FKBP9: variants seen among roughly 807,000 people sequenced by gnomAD.
FKBP9 encodes peptidyl-prolyl cis-trans isomerase FKBP9.
FKBP9 carries 27 observed loss-of-function variants against 55.6 expected under a neutral mutation model. The observed-to-expected ratio is 0.49, with a 90% CI of 0.36 to 0.67. The LOEUF (loss-of-function observed/expected upper bound fraction) is 0.67. FKBP9 is among the 30% of genes least tolerant of loss of function. The probability of loss-of-function intolerance (pLI) is 0.00; values close to 1 mark genes in which losing one functional copy is unlikely to be tolerated. For missense variants in FKBP9, 539 were observed against 742.8 expected (o/e 0.73, Z 3.19); for synonymous variants, 267 against 296.5 (o/e 0.90, Z 1.02).
chr7:32,983,034 G>A (rs1784512727), intron 5 of FKBP9, among the ~76,000 whole-genome samples: 1 of 149,630 alleles, frequency 6.7e-6, no homozygotes, highest in African/African-American at 2.4e-5. Flanking sequence ...CTATGTGTGT[G>A]TGTTTTGAGA....
chr7:32,978,562 T>C (rs1784408767), intron 4 of FKBP9, among the ~76,000 whole-genome samples: 1 of 151,966 alleles, frequency 6.6e-6, no homozygotes, highest in African/African-American at 2.4e-5. Context: ...CTCGCTACGT[T>C]ACCCAGGCTT....
intron 7 of FKBP9, chr7:32,998,417 T>G (rs1443706454): frequency 6.6e-6 from 1 of 151,314 alleles, no homozygotes; most frequent in Non-Finnish European, 1.5e-5. Flanking sequence ...GCGGGGAGAG[T>G]CAGTCTCCCT....
chr7:32,988,872 G>T lies in FKBP9; in HGVS notation c.1039+220G>T, dbSNP rs1583862541. The T allele has an allele frequency of 2.2e-5, 11 of 506,460 alleles. No individual in the cohort carries two copies. In the East Asian group the frequency reaches 3.6e-4, roughly 17 times the overall value. 31.4% of individuals were successfully genotyped at this position (506,460 alleles called of 1,614,324 possible). A position where few individuals can be genotyped will look rare whatever the true frequency, so the allele number is the denominator to read the frequency against. The stretch of plus-strand genomic sequence containing the variant: ...GCCTTCAGAGTAGCTGGCACTACAG[G>T]CACGCACCACCACACCCTGCACAGA... On this transcript the variant is annotated intron_variant, in intron 6 of 9. Transcript: ENST00000242209.
chr7:32,996,255 A>G lies in FKBP9; in HGVS notation c.1132A>G (p.Lys378Glu). The change falls in exon 7 of 10, where the codon AAA becomes GAA. Residue 378 changes from lysine to glutamate, a missense_variant. Transcript: ENST00000242209. Reference sequence around the variant, plus strand: ...CTCCATCAGCATCACCTCCCACTACAAACCCCCTGACTGCTCAGTGCTGAG... The same window carrying G: ...CTCCATCAGCATCACCTCCCACTACGAACCCCCTGACTGCTCAGTGCTGAG... Reference protein sequence around the residue: ...SDSISITSHYKPPDCSVLSKK... With the variant: ...SDSISITSHYEPPDCSVLSKK... 1 of 1,614,064 alleles carries G rather than the reference A, an allele frequency of 6.2e-7. No individual in the cohort carries two copies. Among genetic ancestry groups the G allele is most frequent in the South Asian group, 1.1e-5 (1 of 91,086 alleles).
intron 5 of FKBP9, among the ~76,000 whole-genome samples, chr7:32,981,423 A>T (rs1342433359): frequency 6.6e-6 from 1 of 152,170 alleles, no homozygotes; most frequent in Non-Finnish European, 1.5e-5. Flanking sequence ...TTTATCAGCC[A>T]TGGCCTGCAA....
At chr7:32,976,640 G>A in intron 4 of FKBP9, 141 bp downstream of exon 4, 1 of 1,231,182 alleles carries the variant, frequency 8.1e-7, no homozygotes, top group South Asian at 1.6e-5. Context: ...CTAGCTACAT[G>A]TGGCTATTAA....
chr7:32,978,997 A>T (rs1193145718), intron 4 of FKBP9, among the ~76,000 whole-genome samples: 1 of 152,190 alleles, frequency 6.6e-6, no homozygotes, highest in African/African-American at 2.4e-5. Flanking sequence ...GGCCGGGCGC[A>T]GTGGCTGCCG....
At position 32,957,536 on chromosome 7, in the gene FKBP9, C is replaced by G. The variant is rs112888151; in HGVS notation, c.-38C>G. ...CCCAGGCCGACCCGTGCCGCCCGAG[C>G]GCCGCGCTGCGTCCGCGCCACTCTT... On this transcript the variant is annotated 5_prime_UTR_variant, in exon 1 of 10. Transcript: ENST00000242209. 1 of 1,359,736 alleles carries G rather than the reference C, an allele frequency of 7.4e-7. No individual in the cohort carries two copies. The highest frequency in any genetic ancestry group is 9.5e-7 in the Non-Finnish European group (1 of 1,057,830). 84.2% of individuals were successfully genotyped at this position (1,359,736 alleles called of 1,614,324 possible).
intron 1 of FKBP9, among the ~76,000 whole-genome samples, chr7:32,965,226 G>A (rs890264066): frequency 2.6e-5 from 4 of 152,032 alleles, no homozygotes; most frequent in Admixed American, 6.5e-5. Context: ...TGCCTCCTGG[G>A]TTCAAGCAAT....
At chr7:32,984,469 G>A (rs1784538845) in intron 5 of FKBP9, among the ~76,000 whole-genome samples, 1 of 152,088 alleles carries the variant, frequency 6.6e-6, no homozygotes, top group South Asian at 2.1e-4. Flanking sequence ...TTTCGGCCTG[G>A]TTGGTATCAA....
At position 32,980,044 on chromosome 7, in the gene FKBP9, G is replaced by A. The variant is rs557459644; in HGVS notation, c.704-320G>A. ...TTATTCACAAACAGAAACCCACAGA[G>A]GTATGTATTTGGGTTTGCCTGTGGG... On this transcript the variant is annotated intron_variant, in intron 4 of 9. Coordinates refer to ENST00000242209, the MANE Select transcript of FKBP9 (RefSeq NM_007270.5). 3.9e-5 allele frequency among the ~76,000 whole-genome samples: 6 copies of A among 152,302 alleles called. 1 individual carries two copies. Among genetic ancestry groups the A allele is most frequent in the East Asian group, 1.9e-4 (1 of 5,190 alleles).
At chr7:32,978,865 G>A (rs114524796) in intron 4 of FKBP9, among the ~76,000 whole-genome samples, 3,413 of 152,188 alleles carry the variant, frequency 0.022, 115 homozygotes, top group African/African-American at 0.076. Context: ...TACTGTGCTC[G>A]GCTATCCAAG....
intron 4 of FKBP9, among the ~76,000 whole-genome samples, chr7:32,978,873 A>G (rs1364260725): frequency 6.6e-6 from 1 of 152,252 alleles, no homozygotes; most frequent in Non-Finnish European, 1.5e-5. Flanking sequence ...TCGGCTATCC[A>G]AGTATAACTT....
intron 4 of FKBP9, among the ~76,000 whole-genome samples, chr7:32,977,883 G>GCCCATATATATATATATATA (rs1784395446): frequency 2.3e-5 from 3 of 128,104 alleles, no homozygotes; most frequent in Non-Finnish European, 4.6e-5. Flanking sequence ...ATATATATAT[G>GCCCATATATATATATATATA]TATATATACA....
intron 1 of FKBP9, among the ~76,000 whole-genome samples, chr7:32,974,233 C>T (rs1392529368): frequency 1.3e-5 from 2 of 152,036 alleles, no homozygotes; most frequent in Non-Finnish European, 2.9e-5. Context: ...CGGCTGGTCT[C>T]GAACTCCTAA....
At chr7:32,985,394 T>A (rs1317266488) in intron 5 of FKBP9, among the ~76,000 whole-genome samples, 4 of 151,752 alleles carry the variant, frequency 2.6e-5, no homozygotes, top group Non-Finnish European at 4.4e-5. Flanking sequence ...TGGGCCGGGC[T>A]GGTCACGAAC....
intron 1 of FKBP9, among the ~76,000 whole-genome samples, chr7:32,959,985 T>C (rs1433646094): frequency 6.6e-6 from 1 of 152,182 alleles, no homozygotes; most frequent in African/African-American, 2.4e-5. Context: ...ATGGCACCTA[T>C]GTTATAAACG....
Position 32,981,220 on chromosome 7 carries a change from T to G in FKBP9, c.893+667T>G, listed in dbSNP as rs569645462. Reference sequence around the variant, plus strand: ...TAGTGTTTGACTGCCTTGGACTTCATTTTTCCCTATTCCAGCAACTTTGTC... The same window carrying G: ...TAGTGTTTGACTGCCTTGGACTTCAGTTTTCCCTATTCCAGCAACTTTGTC... On this transcript the variant is annotated intron_variant, in intron 5 of 9. Transcript: ENST00000242209. Among the ~76,000 whole-genome samples the G allele has an allele frequency of 4.6e-5, 7 of 152,176 alleles. No homozygotes were observed. In the East Asian group the frequency reaches 1.4e-3, roughly 29 times the overall value.
chr7:32,983,316 G>A (rs192259090), intron 5 of FKBP9, among the ~76,000 whole-genome samples: 43 of 151,352 alleles, frequency 2.8e-4, no homozygotes, highest in South Asian at 1.7e-3. Flanking sequence ...GAGCCACTGC[G>A]CCCTGCCTTT....
Sources: gnomAD v4.1 joint callset for allele counts (sites outside exome capture counted in the v4.1 genomes callset) on GRCh38, gnomAD v4.1.1 for gene constraint, MANE v1.5 for transcripts, NCBI Gene and HGNC (gene_info 2026-07-23, HGNC 2026-07-21) for gene names.